The following IQSEC3 variants were observed in gnomAD, a reference collection of about 807,000 sequenced individuals.
IQSEC3 encodes the protein IQ motif and Sec7 domain ArfGEF 3, also known as IQ motif and SEC7 domain-containing protein 3.
Under a neutral mutation model 105.4 loss-of-function variants are expected in IQSEC3, and 50 were observed. The observed-to-expected ratio is 0.47, with a 90% CI of 0.38 to 0.60. IQSEC3 has a LOEUF of 0.60. IQSEC3 is among the 20% of genes least tolerant of loss of function. The probability of loss-of-function intolerance (pLI) is 0.00; values close to 1 mark genes in which losing one functional copy is unlikely to be tolerated. For missense variants in IQSEC3, 1,415 were observed against 1,630.0 expected (o/e 0.87, Z 2.27); for synonymous variants, 708 against 746.0 (o/e 0.95, Z 0.83).
intron 3 of IQSEC3, among the ~76,000 whole-genome samples, chr12:132,329 G>A (rs1555085348): frequency 1.3e-5 from 2 of 152,132 alleles, no homozygotes; most frequent in Non-Finnish European, 2.9e-5. Context: ...TTGTGGAGTA[G>A]GACTTTGTGG....
At chr12:140,825 TG>T (rs1865988228) in intron 4 of IQSEC3, 1 of 346,766 alleles carries the variant, frequency 2.9e-6, no homozygotes, top group African/African-American at 2.1e-5. Context: ...CAACAGGATA[TG>T]GGTAGGGGGA....
intron 1 of IQSEC3, among the ~76,000 whole-genome samples, chr12:93,899 T>C (rs1423685056): frequency 6.6e-6 from 1 of 152,172 alleles, no homozygotes; most frequent in Non-Finnish European, 1.5e-5. Flanking sequence ...TCTTGCTCTG[T>C]CATCTCTGCA....
At position 134,848 on chromosome 12, in the gene IQSEC3, G is replaced by A. The variant is rs186093279; in HGVS notation, c.904-3419G>A. 1.6e-3 allele frequency among the ~76,000 whole-genome samples: 240 copies of A among 151,300 alleles called. 4 individuals are homozygous for A. Among genetic ancestry groups the A allele is most frequent in the African/African-American group, 5.7e-3 (234 of 40,990 alleles). ...CGGGAAAGAAATGTGAAATCTGGCC[G>A]GGCACGGTGGCTCACGCCTGTAATC... On this transcript the variant is annotated intron_variant, in intron 3 of 13. Coordinates refer to ENST00000538872, the MANE Select transcript of IQSEC3 (RefSeq NM_001170738.2).
intron 2 of IQSEC3, 137 bp downstream of exon 2, chr12:99,351 T>C: frequency 1.3e-6 from 1 of 776,694 alleles, no homozygotes. Flanking sequence ...TTCACCTCCT[T>C]CCTCAGACTT....
At chr12:119,405 A>G (rs1865148554) in intron 2 of IQSEC3, among the ~76,000 whole-genome samples, 1 of 152,200 alleles carries the variant, frequency 6.6e-6, no homozygotes, top group Non-Finnish European at 1.5e-5. Flanking sequence ...CATGTGTGAA[A>G]TCATGTGCGT....
At position 89,683 on chromosome 12, in the gene IQSEC3, G is replaced by A. The variant is rs75149015; in HGVS notation, c.555-9463G>A. Among the ~76,000 whole-genome samples the A allele has an allele frequency of 8.5e-3, 1,293 of 152,186 alleles. 9 individuals carry two copies. Among genetic ancestry groups the A allele is most frequent in the East Asian group, 0.027 (140 of 5,186 alleles). On this transcript the variant is annotated intron_variant, in intron 1 of 13. Coordinates refer to ENST00000538872, the MANE Select transcript of IQSEC3 (RefSeq NM_001170738.2). Reference sequence around the variant, plus strand: ...GTCTTTTCTAGAATATTATATAAGTGGAATCATACAATATGGAGTCTTTTG... The same window carrying A: ...GTCTTTTCTAGAATATTATATAAGTAGAATCATACAATATGGAGTCTTTTG...
At chr12:73,603 G>T (rs1364579836) in intron 1 of IQSEC3, among the ~76,000 whole-genome samples, 9 of 152,174 alleles carry the variant, frequency 5.9e-5, no homozygotes, top group Admixed American at 5.2e-4. Flanking sequence ...CTAGGAGGCT[G>T]AGGTTGCAGT....
chr12:102,426 G>A (rs1864456330), intron 2 of IQSEC3, among the ~76,000 whole-genome samples: 1 of 152,220 alleles, frequency 6.6e-6, no homozygotes, highest in Non-Finnish European at 1.5e-5. Flanking sequence ...TCTGGCTAAG[G>A]CCGGCCCCCA....
At chr12:127,902 T>C (rs1440370713) in intron 3 of IQSEC3, among the ~76,000 whole-genome samples, 2 of 152,184 alleles carry the variant, frequency 1.3e-5, no homozygotes, top group African/African-American at 2.4e-5. Flanking sequence ...TTTGTCAACT[T>C]TGGCTTTTGT....
intron 1 of IQSEC3, among the ~76,000 whole-genome samples, chr12:73,068 AAATAAATAAATAAAT>A (rs1863386370): frequency 2.2e-5 from 1 of 46,214 alleles, no homozygotes; most frequent in Admixed American, 2.4e-4. Flanking sequence ...ATAAATAAAT[AAATAAATAAATAAAT>A]AAATAAATAA....
At chr12:91,420 G>T (rs1416054886) in intron 1 of IQSEC3, among the ~76,000 whole-genome samples, 8 of 152,108 alleles carry the variant, frequency 5.3e-5, no homozygotes, top group African/African-American at 1.9e-4. Context: ...TCCCCATCTG[G>T]CCAGCTGGCC....
In IQSEC3 at chr12:175,435, A is replaced by G. The variant is rs1251722732; in HGVS notation, c.*402A>G. The G allele has an allele frequency of 5.4e-6, 1 of 185,880 alleles. No homozygotes were observed. Among genetic ancestry groups the G allele is most frequent in the Non-Finnish European group, 1.1e-5 (1 of 90,718 alleles). The allele number at this position is 185,880 out of a possible 1,614,324, so 11.5% of individuals were successfully genotyped here. On this transcript the variant is annotated 3_prime_UTR_variant, in exon 14 of 14. Coordinates refer to ENST00000538872, the MANE Select transcript of IQSEC3 (RefSeq NM_001170738.2). ...GCAGCATGAGGCTGGGCCGGCCGGC[A>G]GTGGAGCACTAGACAGAGTGGCTGG...
In IQSEC3 at chr12:138,261, T is replaced by C; in HGVS notation, c.904-6T>C. 1 of 1,607,956 alleles carries C rather than the reference T, an allele frequency of 6.2e-7. No individual in the cohort carries two copies. ...CCCTTCCTCCTCTCTGTCCTCGTCC[T>C]TGCAGATTGAAATGCTAGAACATAA... On this transcript the variant is annotated splice_polypyrimidine_tract_variant and splice_region_variant and intron_variant, in intron 3 of 13. Transcript: ENST00000538872. The surrounding 1 kb of genome is among the most constrained non-coding windows in gnomAD (Gnocchi z 7.1).
At chr12:84,781 A>C (rs1030854410) in intron 1 of IQSEC3, among the ~76,000 whole-genome samples, 1 of 152,224 alleles carries the variant, frequency 6.6e-6, no homozygotes, top group African/African-American at 2.4e-5. Context: ...CTAGAAGGTC[A>C]GTTGAAGCTC....
chr12:166,037 C>T (rs1169660887), intron 11 of IQSEC3, 147 bp downstream of exon 11: 2 of 817,134 alleles, frequency 2.4e-6, no homozygotes, highest in Non-Finnish European at 3.8e-6. Context: ...CACACTCCCA[C>T]AGCCCGGGTG....
chr12:83,566 T>C (rs1318822859), intron 1 of IQSEC3, among the ~76,000 whole-genome samples: 1 of 149,578 alleles, frequency 6.7e-6, no homozygotes, highest in Non-Finnish European at 1.5e-5. Flanking sequence ...AGGAAAGGCA[T>C]GTGTTCAAAG....
At chr12:110,404 G>A (rs1326862248) in intron 2 of IQSEC3, among the ~76,000 whole-genome samples, 2 of 151,264 alleles carry the variant, frequency 1.3e-5, no homozygotes. Context: ...AAATGCGGAG[G>A]GAGTCTTCTC....
At chr12:117,342 C>T (rs1318652487) in intron 2 of IQSEC3, among the ~76,000 whole-genome samples, 1 of 152,216 alleles carries the variant, frequency 6.6e-6, no homozygotes, top group Non-Finnish European at 1.5e-5. Context: ...CTTGAAATTG[C>T]CACCAGAGCC....
At chr12:127,387 C>T (rs538290003) in intron 3 of IQSEC3, among the ~76,000 whole-genome samples, 6 of 152,190 alleles carry the variant, frequency 3.9e-5, no homozygotes, top group African/African-American at 1.2e-4. Flanking sequence ...GGCGTGGTGG[C>T]GCATGCCTGT....
Sources: gnomAD v4.1 joint callset for allele counts (sites outside exome capture counted in the v4.1 genomes callset) on GRCh38, gnomAD v4.1.1 for gene constraint, Gnocchi (gnomAD v3.1) non-coding constraint, MANE v1.5 for transcripts, NCBI Gene and HGNC (gene_info 2026-07-23, HGNC 2026-07-21) for gene names.